Variants in MAP2K5 observed in about 807,000 individuals in gnomAD.
MAP2K5 encodes dual specificity mitogen-activated protein kinase kinase 5.
In MAP2K5, 49 loss-of-function variants were observed where a neutral mutation model predicts 83.1. That is an observed-to-expected ratio of 0.59 (90% CI 0.47 to 0.75). The LOEUF (loss-of-function observed/expected upper bound fraction) is 0.75, where lower values mean the gene tolerates loss of function less well. Ranked by LOEUF, MAP2K5 falls within the 30% of genes least tolerant of loss-of-function variation. The pLI, the probability that MAP2K5 is intolerant of heterozygous loss-of-function variation, is 0.00. For synonymous variants in MAP2K5, 202 were observed against 191.8 expected (o/e 1.05, Z -0.44); for missense variants, 457 against 557.5 (o/e 0.82, Z 1.82).
chr15:67,772,293 T>C (rs1405626562), intron 20 of MAP2K5, among the ~76,000 whole-genome samples: 3 of 152,212 alleles, frequency 2.0e-5, no homozygotes, highest in Non-Finnish European at 4.4e-5. Context: ...GTTTCTTTCC[T>C]TACTGTCTTA....
intron 8 of MAP2K5, among the ~76,000 whole-genome samples, chr15:67,605,936 T>C (rs1460743453): frequency 2.0e-5 from 3 of 152,234 alleles, no homozygotes; most frequent in Admixed American, 6.5e-5. Flanking sequence ...ACTGAGGAGA[T>C]TGATATTCGA....
rs7177848 is a variant in MAP2K5 at position 67,748,961 on chromosome 15, G to A, written c.1134+360G>A. 0.094 allele frequency among the ~76,000 whole-genome samples: 14,257 copies of A among 152,190 alleles called. 786 individuals carry two copies. Among genetic ancestry groups the A allele is most frequent in the Admixed American group, 0.11 (1,651 of 15,296 alleles). ...TATTTAAAGTCATTCAGTAGGCAAG[G>A]GTCAGAGTTGAAGAGCAAGCATAAG... On this transcript the variant is annotated intron_variant, in intron 19 of 21. Coordinates refer to ENST00000178640, the MANE Select transcript of MAP2K5 (RefSeq NM_145160.3). This position sits in a 1 kb window ranked among gnomAD's most constrained non-coding sequence, Gnocchi z 4.0.
At chr15:67,620,139 G>A (rs909277411) in intron 8 of MAP2K5, among the ~76,000 whole-genome samples, 1 of 152,234 alleles carries the variant, frequency 6.6e-6, no homozygotes, top group Non-Finnish European at 1.5e-5. Context: ...GGGAGGTTGA[G>A]GCGGGTAGAT....
chr15:67,788,428 T>C (rs567341704), intron 21 of MAP2K5, among the ~76,000 whole-genome samples: 2 of 152,318 alleles, frequency 1.3e-5, no homozygotes, highest in African/African-American at 2.4e-5. Flanking sequence ...ATTTTATAAA[T>C]ACTCTGCTTC....
intron 12 of MAP2K5, chr15:67,658,934 TATG>T (rs1409265319): frequency 3.5e-5 from 15 of 433,974 alleles, no homozygotes; most frequent in Non-Finnish European, 9.0e-6. Flanking sequence ...ATTTTGTAGT[TATG>T]ATTAGCATAT....
chr15:67,604,632 C>A (rs1037041236), intron 8 of MAP2K5, among the ~76,000 whole-genome samples: 1 of 151,986 alleles, frequency 6.6e-6, no homozygotes, highest in East Asian at 1.9e-4. Context: ...TGCGGTGGCT[C>A]ACGTCTGTAA....
At chr15:67,696,803 C>A (rs565849664) in intron 15 of MAP2K5, among the ~76,000 whole-genome samples, 3 of 152,196 alleles carry the variant, frequency 2.0e-5, no homozygotes, top group Admixed American at 6.5e-5. Context: ...CATGGAGAAA[C>A]CCCATCTCTA....
chr15:67,728,336 T>C (rs2089146617), intron 17 of MAP2K5, among the ~76,000 whole-genome samples: 1 of 152,218 alleles, frequency 6.6e-6, no homozygotes, highest in African/African-American at 2.4e-5. Flanking sequence ...AAGCATCTAA[T>C]CTAGGTCATT....
chr15:67,609,245 C>T (rs1431456404), intron 8 of MAP2K5, among the ~76,000 whole-genome samples: 5 of 152,074 alleles, frequency 3.3e-5, no homozygotes, highest in Non-Finnish European at 5.9e-5. Context: ...CACTGAACAT[C>T]CTGTCACTGT....
At position 67,565,522 on chromosome 15, in the gene MAP2K5, C is replaced by G. The variant is rs984663526; in HGVS notation, c.252+2172C>G. ...GGATTACAGGCATGAGCCACTGTGC[C>G]CGGCCTGTCATCATCATTATTAAAT... On this transcript the variant is annotated intron_variant, in intron 3 of 21. Coordinates refer to ENST00000178640, the MANE Select transcript of MAP2K5 (RefSeq NM_145160.3). The surrounding 1 kb of genome is among the most constrained non-coding windows in gnomAD (Gnocchi z 4.1). Among the ~76,000 whole-genome samples the G allele has an allele frequency of 2.0e-5, 3 of 152,164 alleles. No individual in the cohort carries two copies. The highest frequency in any genetic ancestry group is 7.2e-5 in the African/African-American group (3 of 41,434).
chr15:67,648,465 T>C (rs1384251160), intron 11 of MAP2K5, among the ~76,000 whole-genome samples: 1 of 152,266 alleles, frequency 6.6e-6, no homozygotes, highest in Non-Finnish European at 1.5e-5. Flanking sequence ...ATTTTGTTTA[T>C]TCTTTCATTA....
At chr15:67,718,631 G>A (rs898290945) in intron 16 of MAP2K5, among the ~76,000 whole-genome samples, 22 of 152,102 alleles carry the variant, frequency 1.4e-4, no homozygotes, top group Non-Finnish European at 2.8e-4. Flanking sequence ...AGGCGTGGTG[G>A]TATGCACCTG....
At position 67,758,519 on chromosome 15, in the gene MAP2K5, A is replaced by AT. The variant is rs57758699; in HGVS notation, c.1134+9922dup. Among the ~76,000 whole-genome samples the AT allele has an allele frequency of 0.41, 61,788 of 152,050 alleles. 14,373 individuals are homozygous for AT. The highest frequency in any genetic ancestry group is 0.54 in the Non-Finnish European group (36,806 of 67,952). On this transcript the variant is annotated intron_variant, in intron 19 of 21. Transcript: ENST00000178640. The surrounding 1 kb of genome is among the most constrained non-coding windows in gnomAD (Gnocchi z 4.7). ...ACAACTAGACTCTAAGTTCCTAGAC[A>AT]TTTTATTTCTGTCTTCCTAGTACTG...
chr15:67,748,424 C>T lies in MAP2K5; in HGVS notation c.1102-145C>T. The T allele has an allele frequency of 1.2e-6, 1 of 826,968 alleles. No individual in the cohort carries two copies. The allele number at this position is 826,968 out of a possible 1,614,324, so 51.2% of individuals were successfully genotyped here. On this transcript the variant is annotated intron_variant, in intron 18 of 21. Transcript: ENST00000178640. The surrounding 1 kb of genome is among the most constrained non-coding windows in gnomAD (Gnocchi z 4.0). ...GGTACCATTAGAAATAATAGAACCT[C>T]CTGAGCATCAATGTTTTTATAAGAG...
At chr15:67,737,816 GA>G (rs1201028557) in intron 17 of MAP2K5, among the ~76,000 whole-genome samples, 1 of 144,684 alleles carries the variant, frequency 6.9e-6, no homozygotes, top group East Asian at 2.1e-4. Flanking sequence ...CGGGGAGAAG[GA>G]AAGAACAGCT....
At chr15:67,762,698 A>G (rs932456226) in intron 19 of MAP2K5, among the ~76,000 whole-genome samples, 1 of 152,134 alleles carries the variant, frequency 6.6e-6, no homozygotes. Context: ...AGAAAATAGG[A>G]AAAAAAATCT....
intron 15 of MAP2K5, among the ~76,000 whole-genome samples, chr15:67,694,325 A>T (rs2088190738): frequency 6.6e-6 from 1 of 152,156 alleles, no homozygotes; most frequent in Non-Finnish European, 1.5e-5. Flanking sequence ...AACAAAGATA[A>T]TTTTTTATAA....
intron 13 of MAP2K5, among the ~76,000 whole-genome samples, chr15:67,672,549 T>C (rs1596766711): frequency 3.3e-5 from 5 of 150,864 alleles, no homozygotes. Context: ...TCATTGTAGA[T>C]TCTGGATATT....
Position 67,802,830 on chromosome 15 carries a change from CT to C in MAP2K5, c.1243-3815del, listed in dbSNP as rs1339265397. On this transcript the variant is annotated intron_variant, in intron 21 of 21. Coordinates refer to ENST00000178640, the MANE Select transcript of MAP2K5 (RefSeq NM_145160.3). This position sits in a 1 kb window ranked among gnomAD's most constrained non-coding sequence, Gnocchi z 5.0. ...GCCTGATGGGGCTGCAAGAGCTTGC[CT>C]GCATCTGGATTCCTCTGCCTGGGAG... is the stretch of plus-strand genomic sequence containing the variant. Among the ~76,000 whole-genome samples, 3 of 152,224 alleles carry C rather than the reference CT, an allele frequency of 2.0e-5. No individual in the cohort carries two copies. Among genetic ancestry groups the C allele is most frequent in the Non-Finnish European group, 4.4e-5 (3 of 68,046 alleles).
Sources: allele counts gnomAD v4.1 joint callset (sites outside exome capture counted in the v4.1 genomes callset), GRCh38; gene constraint gnomAD v4.1.1; non-coding constraint Gnocchi (gnomAD v3.1); transcripts MANE v1.5; gene names NCBI Gene and HGNC (gene_info 2026-07-23, HGNC 2026-07-21).